SPATA16: variants seen among roughly 807,000 people sequenced by gnomAD.
SPATA16 encodes spermatogenesis-associated protein 16.
A neutral mutation model predicts 63.3 loss-of-function variants in SPATA16; 36 were observed. That is an observed-to-expected ratio of 0.57 (90% CI 0.44 to 0.75). SPATA16 has a LOEUF of 0.75. Among genes scored for constraint, SPATA16 ranks in the 30% least tolerant of loss-of-function variants. SPATA16 has a pLI of 0.00. For missense variants in SPATA16, 646 were observed against 679.3 expected (o/e 0.95, Z 0.54); for synonymous variants, 203 against 216.7 (o/e 0.94, Z 0.56).
intron 3 of SPATA16, among the ~76,000 whole-genome samples, chr3:173,022,671 T>C (rs1735360205): frequency 6.6e-6 from 1 of 152,034 alleles, no homozygotes; most frequent in Admixed American, 6.6e-5. Flanking sequence ...TAATCATTTG[T>C]CATTTGATGC....
chr3:173,022,744 G>GAA (rs34736596), intron 3 of SPATA16, among the ~76,000 whole-genome samples: 130 of 140,726 alleles, frequency 9.2e-4, no homozygotes, highest in East Asian at 6.4e-3. Flanking sequence ...CAGTTACAGT[G>GAA]AAAAAAAAAA....
intron 4 of SPATA16, among the ~76,000 whole-genome samples, chr3:172,983,736 C>CACACACACACAA (rs1163942324): frequency 6.6e-6 from 1 of 151,628 alleles, no homozygotes; most frequent in African/African-American, 2.4e-5. Context: ...TTCAAGCCAA[C>CACACACACACAA]ACACACACAC....
chr3:172,899,375 G>T (rs1172845603), intron 10 of SPATA16, among the ~76,000 whole-genome samples: 2 of 151,888 alleles, frequency 1.3e-5, no homozygotes, highest in African/African-American at 2.4e-5. Flanking sequence ...TATTGTTATA[G>T]AATATCATAT....
At chr3:172,992,215 C>G (rs2108261312) in intron 4 of SPATA16, among the ~76,000 whole-genome samples, 1 of 152,026 alleles carries the variant, frequency 6.6e-6, no homozygotes, top group African/African-American at 2.4e-5. Context: ...TGACATTTGT[C>G]TTTTTAAAAA....
Position 172,976,974 on chromosome 3 carries a change from A to G in SPATA16, c.927T>C (p.Tyr309=), listed in dbSNP as rs750607961. ...TTGGGACATCAATTTTTACCTGCCA[A>G]TACAGTTTGATGAGCTTGCTTATGC... The part of the protein sequence containing the change: ...EESISKLIKL[Y]WQAMIEEAIT... The change falls in exon 5 of 11, where the codon TAT becomes TAC. Residue 309 remains tyrosine (Y), a synonymous_variant. Coordinates refer to ENST00000351008, the MANE Select transcript of SPATA16 (RefSeq NM_031955.6). The G allele has an allele frequency of 5.0e-6, 8 of 1,612,324 alleles. No individual in the cohort carries two copies. The highest frequency in any genetic ancestry group is 2.2e-5 in the East Asian group (1 of 44,822).
chr3:172,895,786 A>C (rs1731996111), intron 10 of SPATA16, among the ~76,000 whole-genome samples: 1 of 152,154 alleles, frequency 6.6e-6, no homozygotes, highest in Admixed American at 6.5e-5. Context: ...CCATGGTATG[A>C]ATTTACCAGT....
Position 172,899,665 on chromosome 3 carries a change from T to C in SPATA16, c.1588-9973A>G, listed in dbSNP as rs756171097. Reference sequence around the variant, plus strand: ...TATGTTAGACCTTAGTCTGCCATTTTATTTTTTATTTTCTTTGGTTGTTGC... The same window carrying C: ...TATGTTAGACCTTAGTCTGCCATTTCATTTTTTATTTTCTTTGGTTGTTGC... On this transcript the variant is annotated intron_variant, in intron 10 of 10. Coordinates refer to ENST00000351008, the MANE Select transcript of SPATA16 (RefSeq NM_031955.6). Among the ~76,000 whole-genome samples the C allele has an allele frequency of 3.1e-4, 47 of 152,104 alleles. 1 individual carries two copies. Among genetic ancestry groups the C allele is most frequent in the Non-Finnish European group, 5.6e-4 (38 of 67,920 alleles).
intron 1 of SPATA16, among the ~76,000 whole-genome samples, chr3:173,131,163 T>A (rs772127132): frequency 1.3e-5 from 2 of 152,058 alleles, no homozygotes; most frequent in Non-Finnish European, 2.9e-5. Context: ...GGAAAAAAAA[T>A]TTTGGTTTGT....
At chr3:173,088,005 TCCG>T in intron 2 of SPATA16, among the ~76,000 whole-genome samples, 1 of 139,216 alleles carries the variant, frequency 7.2e-6, no homozygotes, top group Non-Finnish European at 1.5e-5. Flanking sequence ...GCATTTTCTT[TCCG>T]TCTTTCTTTC....
chr3:173,123,874 G>A (rs1475919922), intron 1 of SPATA16, among the ~76,000 whole-genome samples: 1 of 152,060 alleles, frequency 6.6e-6, no homozygotes, highest in Non-Finnish European at 1.5e-5. Flanking sequence ...AAAGTGCTGG[G>A]ATTACAGACA....
intron 3 of SPATA16, among the ~76,000 whole-genome samples, chr3:173,028,895 A>T (rs959057017): frequency 1.3e-5 from 2 of 152,086 alleles, no homozygotes; most frequent in African/African-American, 2.4e-5. Context: ...TGGAAAACAT[A>T]GTGTGTGAAG....
chr3:173,082,492 G>T (rs1197403374), intron 2 of SPATA16, among the ~76,000 whole-genome samples: 2 of 152,184 alleles, frequency 1.3e-5, no homozygotes, highest in African/African-American at 4.8e-5. Flanking sequence ...CCCAGACCAA[G>T]CATTTAAACT....
intron 4 of SPATA16, among the ~76,000 whole-genome samples, chr3:173,016,030 A>G (rs562205595): frequency 2.0e-4 from 30 of 152,308 alleles, no homozygotes; most frequent in African/African-American, 7.0e-4. Flanking sequence ...AAGCTTCACA[A>G]GGTGGCTTGT....
chr3:172,968,474 G>A (rs1202097919), intron 5 of SPATA16, among the ~76,000 whole-genome samples: 2 of 152,206 alleles, frequency 1.3e-5, no homozygotes, highest in African/African-American at 4.8e-5. Flanking sequence ...AGCGTGAGGA[G>A]AAGAGAGGAA....
At chr3:172,980,909 C>G (rs1167446590) in intron 4 of SPATA16, among the ~76,000 whole-genome samples, 1 of 152,198 alleles carries the variant, frequency 6.6e-6, no homozygotes, top group Non-Finnish European at 1.5e-5. Flanking sequence ...TTCTCTACTT[C>G]TAATTTTTCT....
chr3:172,946,853 G>T (rs1283648589), intron 6 of SPATA16, among the ~76,000 whole-genome samples: 7 of 152,198 alleles, frequency 4.6e-5, no homozygotes, highest in Admixed American at 6.5e-5. Flanking sequence ...GAATATAGGT[G>T]GTAGCCAGGT....
intron 4 of SPATA16, among the ~76,000 whole-genome samples, chr3:173,010,267 G>C (rs1278810370): frequency 6.6e-6 from 1 of 152,172 alleles, no homozygotes; most frequent in Non-Finnish European, 1.5e-5. Context: ...TTGCCCCCAG[G>C]TTGGGAGGGA....
chr3:173,033,930 C>A (rs932657998), intron 3 of SPATA16, among the ~76,000 whole-genome samples: 1 of 152,118 alleles, frequency 6.6e-6, no homozygotes, highest in Non-Finnish European at 1.5e-5. Flanking sequence ...ATCTTGAACT[C>A]CTGATCTCAA....
chr3:173,021,260 T>G lies in SPATA16; in HGVS notation c.759-1685A>C, dbSNP rs577056477. 2.0e-5 allele frequency among the ~76,000 whole-genome samples: 3 copies of G among 152,264 alleles called. No homozygotes were observed. In the East Asian group the frequency reaches 5.8e-4, roughly 29 times the overall value. On this transcript the variant is annotated intron_variant, in intron 3 of 10. Transcript: ENST00000351008. ...ACTTTCTAAAATCATGCATAACTAG[T>G]TAAAGAGCTGTCTAAAGTTTTTTGG... is the stretch of plus-strand genomic sequence containing the variant.
Sources: allele counts gnomAD v4.1 joint callset (sites outside exome capture counted in the v4.1 genomes callset), GRCh38; gene constraint gnomAD v4.1.1; transcripts MANE v1.5; gene names NCBI Gene and HGNC (gene_info 2026-07-23, HGNC 2026-07-21).